The following DDX46 variants were observed in gnomAD, a reference collection of about 807,000 sequenced individuals.
DDX46 encodes the protein probable ATP-dependent RNA helicase DDX46.
A neutral mutation model predicts 134.9 loss-of-function variants in DDX46; 30 were observed. The observed-to-expected ratio is 0.22, with a 90% CI of 0.17 to 0.30. The LOEUF (loss-of-function observed/expected upper bound fraction) is 0.30, where lower values mean the gene tolerates loss of function less well. Ranked by LOEUF, DDX46 falls within the 10% of genes least tolerant of loss-of-function variation. The probability of loss-of-function intolerance (pLI) is 1.00; values close to 1 mark genes in which losing one functional copy is unlikely to be tolerated. For missense variants in DDX46, 622 were observed against 1,248.7 expected (o/e 0.50, Z 7.56); for synonymous variants, 415 against 404.1 (o/e 1.03, Z -0.32).
At chr5:134,771,028 C>A in intron 4 of DDX46, 29 bp downstream of exon 4, 1 of 921,312 alleles carries the variant, frequency 1.1e-6, no homozygotes, top group Non-Finnish European at 1.7e-6. Flanking sequence ...AAATAATTTT[C>A]TTTCTTTCTT....
At chr5:134,800,745 G>A (rs561875245) in intron 15 of DDX46, among the ~76,000 whole-genome samples, 12 of 152,036 alleles carry the variant, frequency 7.9e-5, no homozygotes, top group Non-Finnish European at 1.5e-4. Flanking sequence ...ATGCCATCTC[G>A]GCTCACTGCA....
chr5:134,782,002 G>A lies in DDX46; in HGVS notation c.961G>A (p.Val321Ile), dbSNP rs780645597. ...QTKQRKLLEPVDHGKIEYEPF... is the reference protein window; with the variant it reads ...QTKQRKLLEPIDHGKIEYEPF... Reference sequence around the variant, plus strand: ...AAAACAGCGAAAGCTTCTAGAACCAGTTGATCATGGAAAAATTGAGTATGA... The same window carrying A: ...AAAACAGCGAAAGCTTCTAGAACCAATTGATCATGGAAAAATTGAGTATGA... The change falls in exon 8 of 23, where the codon GTT becomes ATT. Residue 321 changes from valine (V) to isoleucine (I), a missense_variant. By Grantham distance (29) the Val-to-Ile change is conservative. This residue lies in a region of DDX46 where 63 missense variants were observed against 84.0 expected (regional missense o/e 0.75). Coordinates refer to ENST00000452510, the MANE Select transcript of DDX46 (RefSeq NM_001300860.2). The A allele has an allele frequency of 6.2e-7, 1 of 1,609,818 alleles. No individual in the cohort carries two copies. Among genetic ancestry groups the A allele is most frequent in the Non-Finnish European group, 8.5e-7 (1 of 1,179,144 alleles).
At chr5:134,814,702 G>C (rs1755238978) in intron 18 of DDX46, among the ~76,000 whole-genome samples, 1 of 152,184 alleles carries the variant, frequency 6.6e-6, no homozygotes, top group East Asian at 1.9e-4. Context: ...CTGTAGCCTC[G>C]ACCTCCTGGG....
intron 22 of DDX46, among the ~76,000 whole-genome samples, chr5:134,827,509 A>G (rs1044787518): frequency 1.3e-5 from 2 of 152,082 alleles, no homozygotes; most frequent in African/African-American, 2.4e-5. Context: ...TCCTGACCTC[A>G]TGATTCACCT....
intron 18 of DDX46, 99 bp from the exon 19 acceptor site, chr5:134,816,331 C>A (rs1214995207): frequency 3.5e-6 from 4 of 1,136,152 alleles, no homozygotes; most frequent in Admixed American, 3.0e-5. Context: ...CTGATTCCAG[C>A]CTTTTGGTGG....
At chr5:134,763,726 A>T (rs1753468442) in intron 1 of DDX46, among the ~76,000 whole-genome samples, 178 bp from the exon 2 acceptor site, 1 of 152,148 alleles carries the variant, frequency 6.6e-6, no homozygotes, top group South Asian at 2.1e-4. Flanking sequence ...TTCCACCTCT[A>T]CATGTGTCTG....
intron 5 of DDX46, 128 bp downstream of exon 5, chr5:134,773,989 A>G: frequency 9.8e-7 from 1 of 1,019,926 alleles, no homozygotes; most frequent in Non-Finnish European, 1.3e-6. Context: ...TACCATTTTC[A>G]TCATTTTCAG....
At chr5:134,793,140 G>C (rs1409008015) in intron 13 of DDX46, among the ~76,000 whole-genome samples, 1 of 152,156 alleles carries the variant, frequency 6.6e-6, no homozygotes, top group Non-Finnish European at 1.5e-5. Context: ...CTGGGCGACA[G>C]AGTGAGACCG....
chr5:134,761,237 G>T, intron 1 of DDX46, among the ~76,000 whole-genome samples: 1 of 152,218 alleles, frequency 6.6e-6, no homozygotes, highest in East Asian at 1.9e-4. Flanking sequence ...TGTTGCCCAG[G>T]CTGGTCTCAA....
intron 6 of DDX46, 197 bp downstream of exon 6, chr5:134,777,922 C>G: frequency 2.0e-6 from 1 of 505,356 alleles, no homozygotes; most frequent in Non-Finnish European, 3.3e-6. Context: ...AAAAGTCACT[C>G]TTTTAACACC....
chr5:134,799,034 A>T (rs1036326208), intron 15 of DDX46, among the ~76,000 whole-genome samples: 1 of 152,158 alleles, frequency 6.6e-6, no homozygotes, highest in African/African-American at 2.4e-5. Flanking sequence ...AGAGTTTTTT[A>T]AAGTTTCCGG....
chr5:134,803,922 T>C (rs1366358073), intron 15 of DDX46, among the ~76,000 whole-genome samples: 5 of 99,710 alleles, frequency 5.0e-5, no homozygotes, highest in East Asian at 4.9e-4. Flanking sequence ...ATTCTTCTTT[T>C]TTTTTTTTTT....
intron 4 of DDX46, among the ~76,000 whole-genome samples, chr5:134,772,795 C>T (rs1294427127): frequency 1.3e-5 from 2 of 152,122 alleles, no homozygotes; most frequent in Non-Finnish European, 2.9e-5. Flanking sequence ...CATGAGCCAC[C>T]GTATCTGGCC....
At chr5:134,796,916 C>G (rs1220069630) in intron 15 of DDX46, among the ~76,000 whole-genome samples, 1 of 150,482 alleles carries the variant, frequency 6.6e-6, no homozygotes, top group African/African-American at 2.4e-5. Flanking sequence ...CTTTGAGAGG[C>G]TGAGGCGGGC....
intron 15 of DDX46, among the ~76,000 whole-genome samples, chr5:134,796,968 A>G (rs572413703): frequency 6.6e-6 from 1 of 150,546 alleles, no homozygotes; most frequent in East Asian, 2.0e-4. Context: ...CCTGACCAAC[A>G]TGGAGAAACC....
intron 13 of DDX46, among the ~76,000 whole-genome samples, chr5:134,792,720 A>G (rs1345670334): frequency 6.6e-6 from 1 of 152,234 alleles, no homozygotes; most frequent in Non-Finnish European, 1.5e-5. Flanking sequence ...ACATAAGTAC[A>G]TATAAACAAA....
intron 6 of DDX46, among the ~76,000 whole-genome samples, chr5:134,778,896 A>G (rs1754040634): frequency 1.3e-5 from 2 of 151,026 alleles, no homozygotes; most frequent in African/African-American, 4.9e-5. Flanking sequence ...ATTTTATATT[A>G]ATTTAATTTA....
intron 21 of DDX46, among the ~76,000 whole-genome samples, chr5:134,819,390 A>ACAGGCAAATATGCCTG (rs1361923114): frequency 6.6e-6 from 1 of 152,202 alleles, no homozygotes; most frequent in Non-Finnish European, 1.5e-5. Flanking sequence ...AATTATCCCC[A>ACAGGCAAATATGCCTG]TGAAAGTTTA....
intron 1 of DDX46, 134 bp from the exon 2 acceptor site, chr5:134,763,770 A>T: frequency 4.6e-6 from 5 of 1,086,542 alleles, no homozygotes; most frequent in African/African-American, 3.2e-5. Flanking sequence ...TTTCCCTCCT[A>T]ATTTTAGAAA....
Sources: gnomAD v4.1 joint callset for allele counts (sites outside exome capture counted in the v4.1 genomes callset) on GRCh38, gnomAD v4.1.1 for gene constraint, gnomAD v4.1.1 regional missense constraint, MANE v1.5 for transcripts, NCBI Gene and HGNC (gene_info 2026-07-23, HGNC 2026-07-21) for gene names.